The following FAT1 variants were observed in gnomAD, a reference collection of about 807,000 sequenced individuals.
FAT1 encodes protocadherin Fat 1.
A neutral mutation model predicts 329.8 loss-of-function variants in FAT1; 171 were observed. That is an observed-to-expected ratio of 0.52 (90% CI 0.46 to 0.59). FAT1 has a LOEUF of 0.59. FAT1 is among the 20% of genes least tolerant of loss of function. The probability of loss-of-function intolerance (pLI) is 0.00; values close to 1 mark genes in which losing one functional copy is unlikely to be tolerated. For missense variants in FAT1, 5,672 were observed against 5,774.4 expected, an observed-to-expected ratio of 0.98 and a Z score of 0.57; for synonymous variants, 2,233 against 2,228.6, an observed-to-expected ratio of 1.00 and a Z score of -0.06.
chr4:186,643,985 G>A (rs1741234294), intron 3 of FAT1, among the ~76,000 whole-genome samples: 1 of 152,092 alleles, frequency 6.6e-6, no homozygotes, highest in African/African-American at 2.4e-5. Context: ...TATACTTAAA[G>A]GAAACTGTAC....
chr4:186,715,455 A>G (rs912397491), intron 1 of FAT1, among the ~76,000 whole-genome samples: 1 of 152,238 alleles, frequency 6.6e-6, no homozygotes, highest in African/African-American at 2.4e-5. Flanking sequence ...TTATTAAATG[A>G]AAAAATACAC....
At chr4:186,630,281 G>A (rs1404299832) in intron 7 of FAT1, among the ~76,000 whole-genome samples, 2 of 152,150 alleles carry the variant, frequency 1.3e-5, no homozygotes, top group Non-Finnish European at 2.9e-5. Flanking sequence ...GCTTTCTTGG[G>A]TACATTTTTG....
At chr4:186,625,917 T>G (rs1179847023) in intron 9 of FAT1, among the ~76,000 whole-genome samples, 3 of 152,170 alleles carry the variant, frequency 2.0e-5, no homozygotes, top group Admixed American at 2.0e-4. Flanking sequence ...ACATGGCACC[T>G]GGCACATAAA....
At position 186,598,067 on chromosome 4, in the gene FAT1, A is replaced by G; in HGVS notation, c.12162T>C (p.Asn4054=). The change falls in exon 23 of 27, where the codon AAT becomes AAC. Residue 4054 remains asparagine, a synonymous_variant. Transcript: ENST00000441802. Reference sequence around the variant, plus strand: ...AGAGGCATGGCTTGGAGGAACACGGATTGACGCTTATCTCACAGTGGGTCC... The same window carrying G: ...AGAGGCATGGCTTGGAGGAACACGGGTTGACGCTTATCTCACAGTGGGTCC... The part of the protein sequence containing the change: ...YIGTHCEISV[N]PCSSKPCLYG... 1 of 1,613,960 alleles carries G rather than the reference A, an allele frequency of 6.2e-7. No homozygotes were observed. Among genetic ancestry groups the G allele is most frequent in the Non-Finnish European group, 8.5e-7 (1 of 1,179,876 alleles).
chr4:186,610,159 T>C (rs974026062), intron 14 of FAT1, 144 bp from the exon 15 acceptor site: 6 of 591,192 alleles, frequency 1.0e-5, no homozygotes, highest in Non-Finnish European at 1.8e-5. Context: ...CCTATTTTCT[T>C]AATTCAACAA....
At position 186,591,173 on chromosome 4, in the gene FAT1, T is replaced by C. The variant is rs568630423; in HGVS notation, c.13139-1953A>G. ...ATGGGGTGAAAATCCGTTAGAGTTG[T>C]TATGAGGATTAAACAGGATCATGCA... is the stretch of plus-strand genomic sequence containing the variant. On this transcript the variant is annotated intron_variant, in intron 26 of 26. Coordinates refer to ENST00000441802, the MANE Select transcript of FAT1 (RefSeq NM_005245.4). Among the ~76,000 whole-genome samples, 6 of 152,340 alleles carry C rather than the reference T, an allele frequency of 3.9e-5. No homozygotes were observed. The East Asian group carries it at 1.2e-3, about 29-fold the overall frequency.
At chr4:186,694,617 T>G (rs75777867) in intron 2 of FAT1, among the ~76,000 whole-genome samples, 3,635 of 152,314 alleles carry the variant, frequency 0.024, 134 homozygotes, top group African/African-American at 0.083. Flanking sequence ...TAAAAGAAAG[T>G]GTTTGGTTTT....
chr4:186,694,567 G>A (rs1216289268), intron 2 of FAT1, among the ~76,000 whole-genome samples: 2 of 152,134 alleles, frequency 1.3e-5, no homozygotes, highest in African/African-American at 4.8e-5. Context: ...AAAAGAGTCT[G>A]GTAACTAACT....
chr4:186,622,579 T>TA (rs1184809956), intron 9 of FAT1, among the ~76,000 whole-genome samples: 3 of 152,236 alleles, frequency 2.0e-5, no homozygotes, highest in Non-Finnish European at 4.4e-5. Flanking sequence ...TGCTCAAAGA[T>TA]AGAGTGTTTT....
rs1744612054 is a variant in FAT1 at position 186,706,592 on chromosome 4, A to T, written c.3236T>A (p.Val1079Asp). ...CTCTTCACCTATTTTGAAAACACCA[A>T]CGCCAGAGCCATCTCTAATGGAGTA... is the stretch of plus-strand genomic sequence containing the variant. The part of the protein sequence containing the change: ...IRYSIRDGSG[V>D]GVFKIGEETG... The change falls in exon 2 of 27, where the codon GTT becomes GAT. Residue 1079 changes from valine to aspartate, a missense_variant. Val to Asp is a radical substitution (Grantham distance 152). Around this residue, in one of 2 missense-constraint regions of FAT1, gnomAD observed 3,966 missense variants for 3,915.2 expected, o/e 1.01. Coordinates refer to ENST00000441802, the MANE Select transcript of FAT1 (RefSeq NM_005245.4). 3.1e-6 allele frequency: 5 copies of T among 1,610,914 alleles called. No individual in the cohort carries two copies. In the African/African-American group the frequency reaches 5.3e-5, roughly 17 times the overall value.
At chr4:186,665,652 T>A (rs1317705541) in intron 2 of FAT1, among the ~76,000 whole-genome samples, 1 of 152,172 alleles carries the variant, frequency 6.6e-6, no homozygotes, top group Non-Finnish European at 1.5e-5. Flanking sequence ...GCCTCTTCAC[T>A]CTGATGGTAG....
chr4:186,612,820 C>CA (rs1739510105), intron 13 of FAT1, among the ~76,000 whole-genome samples: 2 of 152,138 alleles, frequency 1.3e-5, no homozygotes, highest in Admixed American at 6.5e-5. Flanking sequence ...GGTTTATTGA[C>CA]AAAATAACAC....
chr4:186,691,499 C>A (rs75858522), intron 2 of FAT1, among the ~76,000 whole-genome samples: 2,026 of 152,174 alleles, frequency 0.013, 49 homozygotes, highest in African/African-American at 0.046. Context: ...TTGTTAGAAA[C>A]AAGGCCACTG....
At chr4:186,714,466 T>A (rs750472026) in intron 1 of FAT1, among the ~76,000 whole-genome samples, 1 of 151,640 alleles carries the variant, frequency 6.6e-6, no homozygotes, top group Non-Finnish European at 1.5e-5. Context: ...GTAAAGATTG[T>A]GAGTGGGCAG....
rs1020826229 is a variant in FAT1, at chr4:186,599,111, C to T, written c.12103+787G>A. On this transcript the variant is annotated intron_variant, in intron 22 of 26. Transcript: ENST00000441802. ...TCATCCCTAAGTGACAAAATGAGGA[C>T]GGCCTCCTTGCTAACCTGGTTTGGA... 3.9e-5 allele frequency among the ~76,000 whole-genome samples: 6 copies of T among 152,158 alleles called. No individual in the cohort carries two copies. The East Asian group carries it at 7.7e-4, about 20-fold the overall frequency.
At chr4:186,674,139 T>G (rs182378788) in intron 2 of FAT1, among the ~76,000 whole-genome samples, 41 of 152,366 alleles carry the variant, frequency 2.7e-4, no homozygotes, top group Non-Finnish European at 5.3e-4. Flanking sequence ...TAGTAAAAGC[T>G]TTAATATGCC....
chr4:186,662,112 A>AGAG (rs1742204445), intron 3 of FAT1, among the ~76,000 whole-genome samples: 1 of 145,548 alleles, frequency 6.9e-6, no homozygotes, highest in Admixed American at 7.3e-5. Context: ...CATCTCTTTG[A>AGAG]GGGTTTTTGT....
At chr4:186,722,080 C>T (rs1745492250) in intron 1 of FAT1, among the ~76,000 whole-genome samples, 3 of 152,124 alleles carry the variant, frequency 2.0e-5, no homozygotes, top group African/African-American at 7.2e-5. Context: ...TCCGGTGATC[C>T]GCCCGCCTCG....
chr4:186,624,534 T>C (rs975139239), intron 9 of FAT1, among the ~76,000 whole-genome samples: 1 of 152,202 alleles, frequency 6.6e-6, no homozygotes, highest in South Asian at 2.1e-4. Context: ...TCTACTTTTT[T>C]AAAAAGATGT....
Sources: allele counts gnomAD v4.1 joint callset (sites outside exome capture counted in the v4.1 genomes callset), GRCh38; gene constraint gnomAD v4.1.1; regional missense constraint gnomAD v4.1.1; transcripts MANE v1.5; gene names NCBI Gene and HGNC (gene_info 2026-07-23, HGNC 2026-07-21).